The following PLCB4 variants were observed in gnomAD, a reference collection of about 807,000 sequenced individuals.
PLCB4 encodes phospholipase C beta 4.
A neutral mutation model predicts 178.8 loss-of-function variants in PLCB4; 77 were observed. That is an observed-to-expected ratio of 0.43 (90% confidence interval 0.36 to 0.52). The LOEUF (loss-of-function observed/expected upper bound fraction) is 0.52, where lower values mean the gene tolerates loss of function less well. PLCB4 is among the 20% of genes least tolerant of loss of function. The pLI is 0.00. For synonymous variants in PLCB4, 496 were observed against 490.8 expected, an observed-to-expected ratio of 1.01 and a Z score of -0.14; for missense variants, 1,024 against 1,453.4, an observed-to-expected ratio of 0.70 and a Z score of 4.80.
rs566882115 is a variant in PLCB4, at chr20:9,466,405, A to G, written c.3249-2166A>G. 4.6e-5 allele frequency among the ~76,000 whole-genome samples: 7 copies of G among 152,322 alleles called. No homozygotes were observed. The South Asian group carries it at 1.4e-3, about 32-fold the overall frequency. On this transcript the variant is annotated intron_variant, in intron 35 of 39. Transcript: ENST00000378473. ...GACTTCATGACTAAAACAAAAAGCAATGGCCACCAAAGCCAAAACAGACAA... is the reference window on the plus strand; with the variant it reads ...GACTTCATGACTAAAACAAAAAGCAGTGGCCACCAAAGCCAAAACAGACAA...
At chr20:9,207,018 A>G (rs965126197) in intron 2 of PLCB4, among the ~76,000 whole-genome samples, 1 of 152,168 alleles carries the variant, frequency 6.6e-6, no homozygotes, top group Non-Finnish European at 1.5e-5. Flanking sequence ...CGGGAGGCTG[A>G]GGCAGGAGAA....
At chr20:9,133,910 A>G (rs183120460) in intron 2 of PLCB4, among the ~76,000 whole-genome samples, 1 of 152,318 alleles carries the variant, frequency 6.6e-6, no homozygotes. Context: ...TACTCCAGGT[A>G]GCTTTGAGAG....
At chr20:9,427,215 A>C (rs574222243) in intron 28 of PLCB4, among the ~76,000 whole-genome samples, 12 of 152,252 alleles carry the variant, frequency 7.9e-5, no homozygotes, top group African/African-American at 2.9e-4. Context: ...ACAGAGCAAG[A>C]CTCTGTCTCC....
intron 3 of PLCB4, among the ~76,000 whole-genome samples, chr20:9,244,510 C>A (rs1196193606): frequency 1.3e-5 from 2 of 151,936 alleles, no homozygotes; most frequent in African/African-American, 4.8e-5. Flanking sequence ...TGAACTCCTG[C>A]AGGGAACAAA....
At chr20:9,213,128 CTTTTTTTTTTTTTT>C (rs56785951) in intron 2 of PLCB4, among the ~76,000 whole-genome samples, 35 of 35,728 alleles carry the variant, frequency 9.8e-4, no homozygotes, top group South Asian at 1.6e-3. Flanking sequence ...CGTTAGCATA[CTTTTTTTTTTTTTT>C]TTTTTTTTTT....
intron 1 of PLCB4, among the ~76,000 whole-genome samples, chr20:9,082,118 AT>A (rs1018180671): frequency 2.0e-5 from 3 of 148,190 alleles, no homozygotes; most frequent in Non-Finnish European, 3.0e-5. Context: ...TAGAAAAAAA[AT>A]TTCTTATTTC....
Position 9,338,898 on chromosome 20 carries a change from C to T in PLCB4, c.230C>T (p.Pro77Leu). ...SIRSGAIPKD[P>L]KILAALEAVG... is the part of the protein sequence containing the mutation. ...TATCTGTGTACCTCTATACAGGATC[C>T]CAAAATCTTGGCTGCTCTTGAAGCT... The change falls in exon 7 of 40, where the codon CCC (proline) becomes CTC (leucine). Residue 77 changes from proline to leucine, a missense_variant. This residue lies in a region of PLCB4 where 225 missense variants were observed against 291.0 expected (regional missense o/e 0.77). Coordinates refer to ENST00000378473, the MANE Select transcript of PLCB4 (RefSeq NM_001377142.1). 2 of 1,613,016 alleles carry T rather than the reference C, an allele frequency of 1.2e-6. No homozygotes were observed. The highest frequency in any genetic ancestry group is 1.7e-6 in the Non-Finnish European group (2 of 1,179,414).
intron 3 of PLCB4, among the ~76,000 whole-genome samples, chr20:9,250,076 A>T (rs2094164561): frequency 6.6e-6 from 1 of 152,224 alleles, no homozygotes; most frequent in Non-Finnish European, 1.5e-5. Context: ...CTAAGCAGCA[A>T]ATAATTTAAC....
chr20:9,461,862 CA>C (rs2122488223), intron 35 of PLCB4, among the ~76,000 whole-genome samples: 2 of 152,326 alleles, frequency 1.3e-5, no homozygotes, highest in African/African-American at 4.8e-5. Flanking sequence ...ACAACTTCTG[CA>C]GACTTAAACA....
intron 3 of PLCB4, among the ~76,000 whole-genome samples, chr20:9,247,849 G>A (rs1316716592): frequency 6.6e-6 from 1 of 152,052 alleles, no homozygotes; most frequent in Non-Finnish European, 1.5e-5. Flanking sequence ...GAGATAAAAT[G>A]GGAAACATTT....
At chr20:9,141,539 G>A (rs1370657331) in intron 2 of PLCB4, among the ~76,000 whole-genome samples, 3 of 152,056 alleles carry the variant, frequency 2.0e-5, no homozygotes, top group African/African-American at 7.2e-5. Context: ...CCCACTTTTA[G>A]ATTGAGATAA....
chr20:9,098,483 G>T (rs952245183), intron 2 of PLCB4, among the ~76,000 whole-genome samples: 1 of 151,762 alleles, frequency 6.6e-6, no homozygotes, highest in Non-Finnish European at 1.5e-5. Context: ...CTGCAAGGTC[G>T]CCAGACAGTT....
At chr20:9,387,195 C>T (rs2037750150) in intron 14 of PLCB4, among the ~76,000 whole-genome samples, 1 of 152,036 alleles carries the variant, frequency 6.6e-6, no homozygotes, top group Non-Finnish European at 1.5e-5. Context: ...TGCGTTTTGT[C>T]ACAAGTAGGA....
At chr20:9,086,592 G>A (rs1446464941) in intron 1 of PLCB4, among the ~76,000 whole-genome samples, 1 of 152,144 alleles carries the variant, frequency 6.6e-6, no homozygotes, top group Non-Finnish European at 1.5e-5. Context: ...GCAAGTTGTA[G>A]CGCCTCAGCT....
At chr20:9,293,979 A>C (rs1200958430) in intron 3 of PLCB4, among the ~76,000 whole-genome samples, 4 of 152,128 alleles carry the variant, frequency 2.6e-5, no homozygotes, top group African/African-American at 7.2e-5. Context: ...AGAGAGGAGA[A>C]TGTAAAAGGA....
intron 2 of PLCB4, among the ~76,000 whole-genome samples, chr20:9,098,117 C>CT (rs540869517): frequency 8.0e-4 from 121 of 152,036 alleles, no homozygotes; most frequent in South Asian, 5.4e-3. Context: ...TAAATGTTTT[C>CT]TTTTTTTTCT....
chr20:9,366,942 A>G (rs2035836056), intron 9 of PLCB4, among the ~76,000 whole-genome samples: 1 of 152,236 alleles, frequency 6.6e-6, no homozygotes, highest in Non-Finnish European at 1.5e-5. Flanking sequence ...TCTGTCTTTC[A>G]GAAATAACCA....
chr20:9,081,576 T>C (rs2090147229), intron 1 of PLCB4, among the ~76,000 whole-genome samples: 1 of 152,114 alleles, frequency 6.6e-6, no homozygotes, highest in South Asian at 2.1e-4. Context: ...CCAGTCCAGA[T>C]TGGGTGCCCT....
At chr20:9,101,386 T>C (rs1478355197) in intron 2 of PLCB4, among the ~76,000 whole-genome samples, 1 of 152,112 alleles carries the variant, frequency 6.6e-6, no homozygotes, top group East Asian at 1.9e-4. Flanking sequence ...TATGGATGGC[T>C]CCTCACTATT....
Sources: allele counts gnomAD v4.1 joint callset (sites outside exome capture counted in the v4.1 genomes callset), GRCh38; gene constraint gnomAD v4.1.1; regional missense constraint gnomAD v4.1.1; transcripts MANE v1.5; gene names NCBI Gene and HGNC (gene_info 2026-07-23, HGNC 2026-07-21).